The following LDAH variants were observed in gnomAD, a reference collection of about 807,000 sequenced individuals.
The protein encoded by LDAH is lipid droplet associated hydrolase.
In LDAH, 26 loss-of-function variants were observed where a neutral mutation model predicts 29.6. The observed-to-expected ratio is 0.88, with a 90% CI of 0.64 to 1.22. The LOEUF is 1.22. LDAH is among the 50% of genes most tolerant of loss of function. The probability of loss-of-function intolerance (pLI) is 0.00; values close to 1 mark genes in which losing one functional copy is unlikely to be tolerated. For synonymous variants in LDAH, 117 were observed against 133.0 expected (o/e 0.88, Z 0.83); for missense variants, 344 against 387.3 (o/e 0.89, Z 0.94).
At chr2:20,807,376 A>T (rs1479421577) in intron 1 of LDAH, among the ~76,000 whole-genome samples, 2 of 152,154 alleles carry the variant, frequency 1.3e-5, no homozygotes. Flanking sequence ...TTATGCAATC[A>T]GCAATTCTTT....
rs191377306 is a variant in LDAH, at chr2:20,774,972, G to T, written c.306C>A (p.Asn102Lys). 3 of 1,583,670 alleles carry T rather than the reference G, an allele frequency of 1.9e-6. No individual in the cohort carries two copies. Among genetic ancestry groups the T allele is most frequent in the Admixed American group, 3.5e-5 (2 of 57,090 alleles). Residue 102 changes from asparagine (N) to lysine (K), a missense_variant, in exon 4 of 7, where the codon AAC becomes AAA. Asn to Lys is a moderately conservative substitution (Grantham distance 94, BLOSUM62 0). Transcript: ENST00000237822. ...CATAAATGTCCTTAATTTCTTGAGC[G>T]TTTGAATCTAAAAGCAAAAATATGA... is the stretch of plus-strand genomic sequence containing the variant. Reference protein sequence around the residue: ...KKILTTSEDSNAQEIKDIYGL... With the variant: ...KKILTTSEDSKAQEIKDIYGL...
intron 1 of LDAH, among the ~76,000 whole-genome samples, chr2:20,807,957 T>C (rs1672194782): frequency 6.7e-6 from 1 of 150,294 alleles, no homozygotes; most frequent in Admixed American, 6.6e-5. Flanking sequence ...AACCCTTACA[T>C]ATATTATTTG....
intron 4 of LDAH, among the ~76,000 whole-genome samples, chr2:20,753,901 T>C (rs1319426356): frequency 6.6e-6 from 1 of 152,200 alleles, no homozygotes; most frequent in Non-Finnish European, 1.5e-5. Context: ...AAAATCAATA[T>C]GGTAATGAAT....
intron 5 of LDAH, among the ~76,000 whole-genome samples, chr2:20,710,653 A>AGG: frequency 7.8e-6 from 1 of 128,074 alleles, no homozygotes; most frequent in Admixed American, 7.8e-5. Context: ...GTATACATAT[A>AGG]TATACACATA....
chr2:20,764,200 T>C (rs1668872862), intron 4 of LDAH, among the ~76,000 whole-genome samples: 1 of 152,208 alleles, frequency 6.6e-6, no homozygotes, highest in Non-Finnish European at 1.5e-5. Flanking sequence ...CGCACAAATA[T>C]GCAGATACAT....
In LDAH at chr2:20,726,648, C is replaced by T. The variant is rs56196557; in HGVS notation, c.703+13323G>A. On this transcript the variant is annotated intron_variant, in intron 5 of 6. Transcript: ENST00000237822. ...AGTTGCAACAAAGTGAAAACTAGAC[C>T]TAAAAAAATAATTCTCCCATTCTAA... Among the ~76,000 whole-genome samples the T allele has an allele frequency of 7.1e-3, 1,080 of 152,010 alleles. 8 individuals are homozygous for T. The highest frequency in any genetic ancestry group is 7.9e-3 in the Non-Finnish European group (535 of 68,000).
At chr2:20,793,188 T>C (rs997510961) in intron 2 of LDAH, among the ~76,000 whole-genome samples, 2 of 152,000 alleles carry the variant, frequency 1.3e-5, no homozygotes, top group Admixed American at 6.6e-5. Context: ...TGGGAGAATA[T>C]ACAACACATA....
At chr2:20,769,750 A>C (rs1669276735) in intron 4 of LDAH, among the ~76,000 whole-genome samples, 1 of 152,204 alleles carries the variant, frequency 6.6e-6, no homozygotes, top group African/African-American at 2.4e-5. Flanking sequence ...ATCTCAAAAG[A>C]AGAGAAAAAA....
intron 6 of LDAH, among the ~76,000 whole-genome samples, chr2:20,695,502 G>C (rs181539641): frequency 2.3e-3 from 350 of 151,296 alleles, no homozygotes; most frequent in Middle Eastern, 0.014. Flanking sequence ...GCCCAGGCTG[G>C]AGTGCAGTAG....
Position 20,685,078 on chromosome 2 carries a change from C to A in LDAH, c.*1825G>T. 3 of 926,818 alleles carry A rather than the reference C, an allele frequency of 3.2e-6. No individual in the cohort carries two copies. Among genetic ancestry groups the A allele is most frequent in the Non-Finnish European group, 3.0e-6 (2 of 672,888 alleles). 57.4% of individuals were successfully genotyped at this position (926,818 alleles called of 1,614,324 possible). A position where few individuals can be genotyped will look rare whatever the true frequency, so the allele number is the denominator to read the frequency against. On this transcript the variant is annotated 3_prime_UTR_variant, in exon 7 of 7. Coordinates refer to ENST00000237822, the MANE Select transcript of LDAH (RefSeq NM_021925.4). ...AGAAATGCTGGTAAAACATTTATTT[C>A]AAAAATTCATTTGGTTTTCAGATGA...
intron 5 of LDAH, among the ~76,000 whole-genome samples, chr2:20,716,882 A>C: frequency 9.5e-6 from 1 of 105,704 alleles, no homozygotes; most frequent in Non-Finnish European, 2.2e-5. Context: ...CCAGACAAGA[A>C]GAGCCTGGCT....
At chr2:20,718,207 A>G (rs1665381633) in intron 5 of LDAH, among the ~76,000 whole-genome samples, 1 of 152,206 alleles carries the variant, frequency 6.6e-6, no homozygotes, top group Non-Finnish European at 1.5e-5. Context: ...TTCTCCAATT[A>G]AGACATAGAA....
At chr2:20,780,721 G>A (rs1388303132) in intron 3 of LDAH, among the ~76,000 whole-genome samples, 3 of 152,192 alleles carry the variant, frequency 2.0e-5, no homozygotes, top group African/African-American at 7.2e-5. Flanking sequence ...CCCTACTTCT[G>A]TCTGCCCTGG....
chr2:20,770,784 C>A (rs1244704251), intron 4 of LDAH, among the ~76,000 whole-genome samples: 3 of 152,114 alleles, frequency 2.0e-5, no homozygotes, highest in East Asian at 3.8e-4. Context: ...CCATCAATAC[C>A]TTCTTGGATT....
intron 1 of LDAH, among the ~76,000 whole-genome samples, chr2:20,812,710 AGTAAT>A (rs1219931194): frequency 2.0e-5 from 3 of 152,270 alleles, no homozygotes; most frequent in Admixed American, 6.5e-5. Context: ...AGACATGTAA[AGTAAT>A]GTAAGCCAGT....
At chr2:20,777,634 T>A (rs979981948) in intron 3 of LDAH, among the ~76,000 whole-genome samples, 1 of 152,062 alleles carries the variant, frequency 6.6e-6, no homozygotes, top group African/African-American at 2.4e-5. Flanking sequence ...GGTCTCAAAC[T>A]TCTGACCTCA....
chr2:20,767,319 G>A (rs962068062), intron 4 of LDAH, among the ~76,000 whole-genome samples: 2 of 150,848 alleles, frequency 1.3e-5, no homozygotes, highest in Admixed American at 1.3e-4. Flanking sequence ...TGAAGGCTTG[G>A]AGAGGCCTGC....
chr2:20,782,124 C>T (rs1208418720), intron 3 of LDAH, among the ~76,000 whole-genome samples: 1 of 152,074 alleles, frequency 6.6e-6, no homozygotes, highest in Non-Finnish European at 1.5e-5. Context: ...AAAATGTGGT[C>T]CCAGGACCAG....
At chr2:20,764,148 A>G (rs1038206059) in intron 4 of LDAH, among the ~76,000 whole-genome samples, 27 of 151,954 alleles carry the variant, frequency 1.8e-4, no homozygotes, top group African/African-American at 6.5e-4. Context: ...AGTTTTTAGC[A>G]AGGTATTCTG....
Sources: allele counts gnomAD v4.1 joint callset (sites outside exome capture counted in the v4.1 genomes callset), GRCh38; gene constraint gnomAD v4.1.1; transcripts MANE v1.5; gene names NCBI Gene and HGNC (gene_info 2026-07-23, HGNC 2026-07-21).